The following DNAAF2 variants were observed in gnomAD, a reference collection of about 807,000 sequenced individuals.
DNAAF2 encodes dynein axonemal assembly factor 2, also known as protein kintoun.
DNAAF2 carries 58 observed loss-of-function variants against 48.8 expected under a neutral mutation model. The ratio of observed to expected loss-of-function variants is 1.19; its 90% CI spans 0.96 to 1.48. DNAAF2 has a LOEUF of 1.48. DNAAF2 is among the 40% of genes most tolerant of loss of function. The probability of loss-of-function intolerance (pLI) is 0.00; values close to 1 mark genes in which losing one functional copy is unlikely to be tolerated. For synonymous variants in DNAAF2, 567 were observed against 481.2 expected (o/e 1.18, Z -2.33); for missense variants, 1,241 against 1,116.1 (o/e 1.11, Z -1.59).
At position 49,633,881 on chromosome 14, in the gene DNAAF2, C is replaced by T; in HGVS notation, c.1269G>A (p.Pro423=). ...TTLGDPEVAP[P]PAAAGEERVP... is the part of the protein sequence containing the mutation. ...CACGCTCCTCTCCAGCTGCGGCCGG[C>T]GGAGGCGCCACCTCCGGGTCGCCCA... The change falls in exon 1 of 3, where the codon CCG becomes CCA. Residue 423 remains proline (P), a synonymous_variant. Coordinates refer to ENST00000298292, the MANE Select transcript of DNAAF2 (RefSeq NM_018139.3). The T allele has an allele frequency of 6.5e-7, 1 of 1,536,742 alleles. No homozygotes were observed.
rs775386781 is a variant in DNAAF2 at position 49,633,560 on chromosome 14, G to T, written c.1590C>A (p.Asp530Glu). The T allele has an allele frequency of 1.2e-6, 2 of 1,614,008 alleles. No individual in the cohort carries two copies. Among genetic ancestry groups the T allele is most frequent in the Non-Finnish European group, 1.7e-6 (2 of 1,179,886 alleles). The change falls in exon 1 of 3, where the codon GAC becomes GAA. Residue 530 changes from aspartate (D) to glutamate (E), a missense_variant. By Grantham distance (45) the Asp-to-Glu change is conservative. Transcript: ENST00000298292. The part of the protein sequence containing the change: ...PLCPPLLCNQ[D>E]KETLTLLIQV... ...GAATGAGCAGAGTCAAGGTTTCTTTGTCCTGATTACACAGTAACGGAGGAC... is the reference window on the plus strand; with the variant it reads ...GAATGAGCAGAGTCAAGGTTTCTTTTTCCTGATTACACAGTAACGGAGGAC...
In DNAAF2 at chr14:49,634,257, G is replaced by T; in HGVS notation, c.893C>A (p.Ala298Glu). Residue 298 changes from alanine to glutamate, a missense_variant, in exon 1 of 3, where the codon GCG (alanine) becomes GAG (glutamate). Transcript: ENST00000298292. Reference protein sequence around the residue: ...ELPLLRSAEQAALEVTRKLLC... With the variant: ...ELPLLRSAEQEALEVTRKLLC... ...CAGCTTTCTCGTTACCTCCAGCGCC[G>T]CCTGCTCGGCCGAGCGCAACAGCGG... The T allele has an allele frequency of 1.2e-6, 2 of 1,612,244 alleles. No homozygotes were observed. Among genetic ancestry groups the T allele is most frequent in the Non-Finnish European group, 1.7e-6 (2 of 1,179,794 alleles).
Position 49,633,334 on chromosome 14 carries a change from C to G in DNAAF2, c.1816G>C (p.Gly606Arg). The change falls in exon 1 of 3, where the codon GGA (glycine) becomes CGA (arginine). Residue 606 changes from glycine to arginine, a missense_variant. Coordinates refer to ENST00000298292, the MANE Select transcript of DNAAF2 (RefSeq NM_018139.3). ...IELAKSPESH[G>R]HWREWYYGVN... ...CCATAATACCACTCTCTCCAATGTC[C>G]ATGGCTCTCTGGAGATTTTGCCAGT... 1.2e-6 allele frequency: 2 copies of G among 1,614,062 alleles called. No individual in the cohort carries two copies. The highest frequency in any genetic ancestry group is 1.7e-6 in the Non-Finnish European group (2 of 1,179,896).
intron 1 of DNAAF2, among the ~76,000 whole-genome samples, chr14:49,631,715 G>A (rs1883170422): frequency 6.6e-6 from 1 of 152,148 alleles, no homozygotes; most frequent in Non-Finnish European, 1.5e-5. Flanking sequence ...GACCTCAGAG[G>A]CTCTGAAGAT....
chr14:49,628,257 A>C (rs1265465001), intron 1 of DNAAF2, 102 bp from the exon 2 acceptor site: 1 of 992,262 alleles, frequency 1.0e-6, no homozygotes, highest in African/African-American at 1.6e-5. Flanking sequence ...TCAGGGTTAC[A>C]CTTTTTAAAA....
intron 1 of DNAAF2, among the ~76,000 whole-genome samples, chr14:49,632,002 A>G (rs540438928): frequency 7.9e-5 from 12 of 152,296 alleles, no homozygotes; most frequent in African/African-American, 2.9e-4. Flanking sequence ...TTACAAATCT[A>G]TTTCAGGCTT....
intron 2 of DNAAF2, among the ~76,000 whole-genome samples, chr14:49,627,626 C>A (rs979223604): frequency 3.4e-4 from 52 of 152,158 alleles, no homozygotes; most frequent in African/African-American, 1.3e-3. Flanking sequence ...GAGGCCGAGG[C>A]GGGTGGATCA....
intron 2 of DNAAF2, among the ~76,000 whole-genome samples, chr14:49,626,796 A>T (rs1883019344): frequency 1.8e-5 from 2 of 111,292 alleles, no homozygotes; most frequent in African/African-American, 7.5e-5. Flanking sequence ...GTCTGCTGCC[A>T]GTCTTTTTTT....
Position 49,628,132 on chromosome 14 carries a change from T to C in DNAAF2, c.1887A>G (p.Glu629=), listed in dbSNP as rs1594603869. Residue 629 remains glutamate, a synonymous_variant, in exon 2 of 3, where the codon GAA becomes GAG. Transcript: ENST00000298292. The part of the protein sequence containing the change: ...SLEERLFVNE[E]NVNEFLEEVL... ...CCTCTTCAAGAAACTCATTAACATT[T>C]TCTTCATTGACAAATAACCTTTCCT... is the stretch of plus-strand genomic sequence containing the variant. The C allele has an allele frequency of 3.1e-6, 5 of 1,590,324 alleles. No homozygotes were observed. Among genetic ancestry groups the C allele is most frequent in the Non-Finnish European group, 4.3e-6 (5 of 1,166,738 alleles).
rs779849510 is a variant in DNAAF2 at position 49,633,936 on chromosome 14, G to C, written c.1214C>G (p.Ala405Gly). The change falls in exon 1 of 3, where the codon GCT (alanine) becomes GGT (glycine). Residue 405 changes from alanine to glycine, a missense_variant. Physicochemically the swap from Ala to Gly is moderately conservative, Grantham distance 60 (BLOSUM62 0). Transcript: ENST00000298292. Reference protein sequence around the residue: ...AEDGGHDTCVAGAAGSGVTTL... With the variant: ...AEDGGHDTCVGGAAGSGVTTL... ...GGTGACCCCGGAGCCCGCAGCCCCA[G>C]CCACGCAGGTATCGTGGCCTCCGTC... 1 of 1,531,496 alleles carries C rather than the reference G, an allele frequency of 6.5e-7. No individual in the cohort carries two copies. Among genetic ancestry groups the C allele is most frequent in the South Asian group, 1.2e-5 (1 of 83,784 alleles). The allele number at this position is 1,531,496 out of a possible 1,614,324, so 94.9% of individuals were successfully genotyped here. A position where few individuals can be genotyped will look rare whatever the true frequency, so the allele number is the denominator to read the frequency against.
At chr14:49,626,994 C>T (rs997185679) in intron 2 of DNAAF2, among the ~76,000 whole-genome samples, 16 of 151,446 alleles carry the variant, frequency 1.1e-4, no homozygotes, top group African/African-American at 3.6e-4. Context: ...TTAGTACAGA[C>T]GGGGTTTCAC....
intron 1 of DNAAF2, 38 bp from the exon 2 acceptor site, chr14:49,628,193 T>A (rs188455808): frequency 6.6e-7 from 1 of 1,525,318 alleles, no homozygotes; most frequent in Admixed American, 2.0e-5. Context: ...GCCTAATAAG[T>A]CCCACTTGAC....
Position 49,634,515 on chromosome 14 carries a change from C to T in DNAAF2, c.635G>A (p.Arg212Lys), listed in dbSNP as rs772973604. The T allele has an allele frequency of 3.7e-6, 6 of 1,600,510 alleles. No individual in the cohort carries two copies. The South Asian group carries it at 4.4e-5, about 12-fold the overall frequency. The part of the protein sequence containing the change: ...RTPLPGVIPA[R>K]PDGEPKGPLP... Reference sequence around the variant, plus strand: ...AGGACCCTTCGGCTCCCCGTCAGGCCTTGCGGGGATGACCCCGGGCAGGGG... The same window carrying T: ...AGGACCCTTCGGCTCCCCGTCAGGCTTTGCGGGGATGACCCCGGGCAGGGG... The change falls in exon 1 of 3, where the codon AGG (arginine) becomes AAG (lysine). Residue 212 changes from arginine to lysine, a missense_variant. Physicochemically the swap from Arg to Lys is conservative, Grantham distance 26 (BLOSUM62 2). Transcript: ENST00000298292.
chr14:49,630,735 CTCTCT>C (rs1883137142), intron 1 of DNAAF2, among the ~76,000 whole-genome samples: 2 of 64,522 alleles, frequency 3.1e-5, no homozygotes, highest in Non-Finnish European at 4.4e-5. Context: ...CACACACAAA[CTCTCT>C]ACACACACAC....
intron 1 of DNAAF2, chr14:49,629,955 G>C (rs1004542220): frequency 6.6e-5 from 10 of 152,058 alleles, no homozygotes; most frequent in African/African-American, 1.9e-4. Flanking sequence ...AATTAGGCTG[G>C]GCACAGTGGC....
Position 49,628,048 on chromosome 14 carries a change from A to G in DNAAF2, c.1971T>C (p.Leu657=), listed in dbSNP as rs780447274. 1.9e-6 allele frequency: 3 copies of G among 1,573,368 alleles called. No homozygotes were observed. The highest frequency in any genetic ancestry group is 2.3e-5 in the East Asian group (1 of 43,700). The change falls in exon 2 of 3, where the codon CTT becomes CTC. Residue 657 remains leucine (L), a synonymous_variant. Transcript: ENST00000298292. ...MSLTPPLIEV[L]QVTDNKIQIN... The stretch of plus-strand genomic sequence containing the variant: ...TTTGAATCTTATTATCAGTAACTTG[A>G]AGAACTTCAATTAATGGTGGGGTCA...
In DNAAF2 at chr14:49,625,787, C is replaced by A. The variant is rs901815790; in HGVS notation, c.2269G>T (p.Glu757Ter). ...ESKMQSEFIK[E>*]KSATCSNEEK... ...TCATTTGAACAAGTAGCACTTTTTTCTTTTATAAATTCAGATTGCATTTTT... is the reference window on the plus strand; with the variant it reads ...TCATTTGAACAAGTAGCACTTTTTTATTTTATAAATTCAGATTGCATTTTT... The change falls in exon 3 of 3, where the codon GAA (glutamate) becomes TAA (stop). Residue 757 changes from glutamate (E) to a stop codon, truncating the protein, a stop_gained. Coordinates refer to ENST00000298292, the MANE Select transcript of DNAAF2 (RefSeq NM_018139.3). LOFTEE classifies it high-confidence loss of function. The A allele has an allele frequency of 2.5e-6, 4 of 1,606,346 alleles. No homozygotes were observed. The African/African-American group carries it at 4.0e-5, about 16-fold the overall frequency.
Position 49,625,465 on chromosome 14 carries a change from GACA to G in DNAAF2, c.*74_*76del. 1 of 1,113,158 alleles carries G rather than the reference GACA, an allele frequency of 9.0e-7. No individual in the cohort carries two copies. The highest frequency in any genetic ancestry group is 1.2e-6 in the Non-Finnish European group (1 of 850,266). 69.0% of individuals were successfully genotyped at this position (1,113,158 alleles called of 1,614,324 possible). On this transcript the variant is annotated 3_prime_UTR_variant, in exon 3 of 3. Transcript: ENST00000298292. Reference sequence around the variant, plus strand: ...TATACTTTAATACCTTTAGTTTTAAGACAACAGTTAACAGAATCAATTTTAGAT... The same window carrying G: ...TATACTTTAATACCTTTAGTTTTAAGACAGTTAACAGAATCAATTTTAGAT...
chr14:49,633,722 C>T lies in DNAAF2; in HGVS notation c.1428G>A (p.Ala476=). ...GSPCLSSRSL[A]WGSSAGRESA... ...TCTCTCTTCCCGCAGAAGAACCCCA[C>T]GCCAGGCTCCGGGAGGACAAACAAG... The change falls in exon 1 of 3, where the codon GCG becomes GCA. Residue 476 remains alanine (A), a synonymous_variant. Coordinates refer to ENST00000298292, the MANE Select transcript of DNAAF2 (RefSeq NM_018139.3). 1 of 1,596,168 alleles carries T rather than the reference C, an allele frequency of 6.3e-7. No individual in the cohort carries two copies. Among genetic ancestry groups the T allele is most frequent in the Middle Eastern group, 1.7e-4 (1 of 5,988 alleles).
Sources: gnomAD v4.1 joint callset for allele counts (sites outside exome capture counted in the v4.1 genomes callset) on GRCh38, gnomAD v4.1.1 for gene constraint, MANE v1.5 for transcripts, NCBI Gene and HGNC (gene_info 2026-07-23, HGNC 2026-07-21) for gene names.